Variants in NRXN1 observed in about 807,000 individuals in gnomAD.
NRXN1 encodes the protein neurexin-1.
A neutral mutation model predicts 150.9 loss-of-function variants in NRXN1; 39 were observed. The ratio of observed to expected loss-of-function variants is 0.26; its 90% CI spans 0.20 to 0.34. NRXN1 has a LOEUF of 0.34. NRXN1 is among the 10% of genes least tolerant of loss of function. NRXN1 has a pLI of 1.00. For missense variants in NRXN1, 1,815 were observed against 1,949.9 expected (o/e 0.93, Z 1.30); for synonymous variants, 924 against 757.0 (o/e 1.22, Z -3.62).
intron 2 of NRXN1, among the ~76,000 whole-genome samples, chr2:50,981,763 C>T (rs2104891502): frequency 6.6e-6 from 1 of 151,758 alleles, no homozygotes; most frequent in Admixed American, 6.6e-5. Flanking sequence ...TATGGATTTC[C>T]TCCCAGTGAC....
Position 50,081,769 on chromosome 2 carries a change from T to G in NRXN1, c.3718+9554A>C, listed in dbSNP as rs562632753. Among the ~76,000 whole-genome samples the G allele has an allele frequency of 4.6e-5, 7 of 152,236 alleles. No homozygotes were observed. In the East Asian group the frequency reaches 1.2e-3, roughly 25 times the overall value. On this transcript the variant is annotated intron_variant, in intron 19 of 22. Coordinates refer to ENST00000401669, the MANE Select transcript of NRXN1 (RefSeq NM_001330078.2). ...CTATTATGTATTATCATTATAAAAA[T>G]ATATAAATAAATATGTCTGTGCTAT...
chr2:50,486,752 T>A (rs188359940), intron 15 of NRXN1, among the ~76,000 whole-genome samples: 7 of 152,236 alleles, frequency 4.6e-5, no homozygotes, highest in African/African-American at 1.7e-4. Flanking sequence ...CAACCTCTAA[T>A]AAACTTGAGA....
At chr2:50,400,188 A>G (rs1032520543) in intron 17 of NRXN1, among the ~76,000 whole-genome samples, 40 of 152,058 alleles carry the variant, frequency 2.6e-4, no homozygotes, top group Non-Finnish European at 2.9e-5. Flanking sequence ...ATATGCTAGG[A>G]AAAAAAATCA....
Position 50,903,258 on chromosome 2 carries a change from A to G in NRXN1, c.832+18611T>C, listed in dbSNP as rs148864896. On this transcript the variant is annotated intron_variant, in intron 5 of 22. Coordinates refer to ENST00000401669, the MANE Select transcript of NRXN1 (RefSeq NM_001330078.2). Reference sequence around the variant, plus strand: ...TATGTTCTCTGCTTTCTAGGTATTCACTACCAGACCTCGCCAACCTAAATT... The same window carrying G: ...TATGTTCTCTGCTTTCTAGGTATTCGCTACCAGACCTCGCCAACCTAAATT... Among the ~76,000 whole-genome samples, 3 of 152,276 alleles carry G rather than the reference A, an allele frequency of 2.0e-5. No individual in the cohort carries two copies. In the East Asian group the frequency reaches 5.8e-4, roughly 29 times the overall value.
At chr2:50,467,435 C>T (rs2089009089) in intron 16 of NRXN1, among the ~76,000 whole-genome samples, 1 of 151,326 alleles carries the variant, frequency 6.6e-6, no homozygotes, top group South Asian at 2.1e-4. Context: ...AAAGAGAGAG[C>T]CTCTGAGGTG....
chr2:50,606,250 GA>G (rs1203771076), intron 8 of NRXN1, among the ~76,000 whole-genome samples: 140 of 75,520 alleles, frequency 1.9e-3, no homozygotes, highest in South Asian at 6.4e-3. Context: ...CTCTGTTTCA[GA>G]AAAAAAAAAA....
At chr2:50,093,754 A>G (rs1209760328) in intron 18 of NRXN1, among the ~76,000 whole-genome samples, 1 of 152,216 alleles carries the variant, frequency 6.6e-6, no homozygotes, top group Admixed American at 6.5e-5. Context: ...TCTTCATAAC[A>G]GTTCCATGAG....
At chr2:50,722,971 C>A (rs1270092514) in intron 5 of NRXN1, among the ~76,000 whole-genome samples, 1 of 152,056 alleles carries the variant, frequency 6.6e-6, no homozygotes, top group Non-Finnish European at 1.5e-5. Flanking sequence ...ACTTGGGATG[C>A]TGAGCTAGAG....
intron 17 of NRXN1, among the ~76,000 whole-genome samples, chr2:50,448,072 T>G (rs1251959275): frequency 6.6e-6 from 1 of 151,994 alleles, no homozygotes. Flanking sequence ...CAGGAGACCT[T>G]TCTCTACTCC....
intron 2 of NRXN1, among the ~76,000 whole-genome samples, chr2:51,003,279 C>T (rs1038356562): frequency 6.6e-6 from 1 of 151,922 alleles, no homozygotes; most frequent in Non-Finnish European, 1.5e-5. Flanking sequence ...TGAGAGATTT[C>T]TAACTGAAAT....
chr2:49,959,412 C>G (rs1675523151), intron 21 of NRXN1, among the ~76,000 whole-genome samples: 1 of 152,176 alleles, frequency 6.6e-6, no homozygotes, highest in Non-Finnish European at 1.5e-5. Context: ...GGGTGATTCA[C>G]CTGGTGTACC....
At chr2:50,990,337 C>A (rs1698361073) in intron 2 of NRXN1, among the ~76,000 whole-genome samples, 1 of 152,030 alleles carries the variant, frequency 6.6e-6, no homozygotes. Flanking sequence ...ACTTAAATTA[C>A]TACTTCACAT....
At chr2:50,966,781 T>A (rs769429981) in intron 2 of NRXN1, among the ~76,000 whole-genome samples, 1 of 151,804 alleles carries the variant, frequency 6.6e-6, no homozygotes, top group East Asian at 1.9e-4. Flanking sequence ...ATAAGGGAAA[T>A]CTACTTTAAT....
intron 19 of NRXN1, among the ~76,000 whole-genome samples, chr2:50,079,872 A>G (rs1419041257): frequency 2.0e-5 from 3 of 152,124 alleles, no homozygotes; most frequent in African/African-American, 7.2e-5. Flanking sequence ...AATGAACGGT[A>G]ATATGGTAGT....
chr2:49,925,239 A>T (rs892648659), intron 22 of NRXN1, among the ~76,000 whole-genome samples: 1 of 150,150 alleles, frequency 6.7e-6, no homozygotes, highest in Non-Finnish European at 1.5e-5. Context: ...GCGATCGCAC[A>T]CTACACTCCA....
At chr2:50,094,429 A>G (rs1699955647) in intron 18 of NRXN1, among the ~76,000 whole-genome samples, 1 of 152,198 alleles carries the variant, frequency 6.6e-6, no homozygotes. Context: ...GCTTTTCCCT[A>G]TCTCAAGTGC....
chr2:50,577,166 A>G (rs1671557296), intron 8 of NRXN1, among the ~76,000 whole-genome samples: 1 of 152,134 alleles, frequency 6.6e-6, no homozygotes, highest in African/African-American at 2.4e-5. Context: ...AAATCAATGA[A>G]TAAGTAATGT....
intron 15 of NRXN1, among the ~76,000 whole-genome samples, chr2:50,488,180 T>C (rs2091011420): frequency 6.6e-6 from 1 of 152,184 alleles, no homozygotes; most frequent in Non-Finnish European, 1.5e-5. Context: ...GCCTTTGATA[T>C]CTTCATTTAT....
chr2:50,725,653 C>G (rs575179682), intron 5 of NRXN1, among the ~76,000 whole-genome samples: 1 of 152,148 alleles, frequency 6.6e-6, no homozygotes, highest in East Asian at 1.9e-4. Context: ...GCCCTTCTTA[C>G]AACAGCCAAT....
Sources: allele counts gnomAD v4.1 joint callset (sites outside exome capture counted in the v4.1 genomes callset), GRCh38; gene constraint gnomAD v4.1.1; transcripts MANE v1.5; gene names NCBI Gene and HGNC (gene_info 2026-07-23, HGNC 2026-07-21).